OCA2: variants seen among roughly 807,000 people sequenced by gnomAD.
OCA2 encodes the protein OCA2 melanosomal transmembrane protein.
A neutral mutation model predicts 100.2 loss-of-function variants in OCA2; 77 were observed. The observed-to-expected ratio is 0.77, with a 90% CI of 0.64 to 0.93. OCA2 has a LOEUF of 0.93. OCA2 is among the 40% of genes least tolerant of loss of function. The pLI, the probability that OCA2 is intolerant of heterozygous loss-of-function variation, is 0.00. For synonymous variants in OCA2, 432 were observed against 439.2 expected (o/e 0.98, Z 0.21); for missense variants, 1,062 against 1,089.1 (o/e 0.98, Z 0.35).
intron 2 of OCA2, among the ~76,000 whole-genome samples, chr15:28,061,088 C>G (rs1183819237): frequency 6.6e-6 from 1 of 152,252 alleles, no homozygotes; most frequent in African/African-American, 2.4e-5. Flanking sequence ...AAAGCTTCAA[C>G]ACATTCCTAG....
chr15:27,895,779 G>A, intron 19 of OCA2: 1 of 384,024 alleles, frequency 2.6e-6, no homozygotes, highest in East Asian at 5.6e-5. Context: ...CGGCAAGAGG[G>A]TGAAACTGAG....
At chr15:27,752,043 G>A (rs1483682466), downstream of OCA2, among the ~76,000 whole-genome samples, 1 of 152,214 alleles carries the variant, frequency 6.6e-6, no homozygotes, top group Non-Finnish European at 1.5e-5. Flanking sequence ...TGCACTGCAG[G>A]AGGAAGTGGC....
At chr15:27,778,195 T>C (rs1464894330) in intron 23 of OCA2, among the ~76,000 whole-genome samples, 1 of 152,234 alleles carries the variant, frequency 6.6e-6, no homozygotes, top group Admixed American at 6.5e-5. Flanking sequence ...ATTTTTAGTA[T>C]CAAACCTTTT....
intron 19 of OCA2, chr15:27,896,476 A>G: frequency 1.7e-6 from 1 of 602,354 alleles, no homozygotes; most frequent in South Asian, 1.8e-5. Context: ...AAAAAAGTTA[A>G]AAAGAAGTGG....
At chr15:27,816,076 G>A (rs2034287494) in intron 23 of OCA2, among the ~76,000 whole-genome samples, 2 of 152,188 alleles carry the variant, frequency 1.3e-5, no homozygotes, top group Non-Finnish European at 2.9e-5. Flanking sequence ...GGAGGTTGCG[G>A]GGAACCGAGA....
intron 2 of OCA2, among the ~76,000 whole-genome samples, chr15:28,077,908 C>T (rs1595920103): frequency 6.6e-6 from 1 of 152,240 alleles, no homozygotes. Flanking sequence ...GGTGAAACCC[C>T]GTCTCTACTA....
At position 27,827,432 on chromosome 15, in the gene OCA2, C is replaced by T. The variant is rs150613429; in HGVS notation, c.2432+17527G>A. 4.6e-5 allele frequency among the ~76,000 whole-genome samples: 7 copies of T among 152,278 alleles called. No individual in the cohort carries two copies. The East Asian group carries it at 9.6e-4, about 21-fold the overall frequency. ...TAGGAAAAGCAAATTTAGGACAACACCACCTTCCACAGAGTGCCGACGGAG... is the reference window on the plus strand; with the variant it reads ...TAGGAAAAGCAAATTTAGGACAACATCACCTTCCACAGAGTGCCGACGGAG... On this transcript the variant is annotated intron_variant, in intron 23 of 23. Coordinates refer to ENST00000354638, the MANE Select transcript of OCA2 (RefSeq NM_000275.3).
chr15:27,983,193 TA>T, intron 14 of OCA2, 151 bp downstream of exon 14: 1 of 893,308 alleles, frequency 1.1e-6, no homozygotes, highest in Non-Finnish European at 1.8e-6. Context: ...ACCAGTCACC[TA>T]ACATCCCAGT....
chr15:27,722,780 TTCTCTC>T, the OCA2 span, among the ~76,000 whole-genome samples: 65 of 134,310 alleles, frequency 4.8e-4, no homozygotes, highest in Middle Eastern at 3.6e-3. Flanking sequence ...TTTTCTTTCT[TTCTCTC>T]TCTCTCTCTC....
chr15:27,943,068 C>G (rs867467048), intron 18 of OCA2, among the ~76,000 whole-genome samples: 2 of 152,152 alleles, frequency 1.3e-5, no homozygotes, highest in African/African-American at 4.8e-5. Flanking sequence ...CCAGTAAGAG[C>G]TCCTCATTTC....
At chr15:27,770,942 CCTTGCTTCCATCTTT>C (rs2031765898) in intron 23 of OCA2, among the ~76,000 whole-genome samples, 2 of 129,246 alleles carry the variant, frequency 1.5e-5, no homozygotes, top group Non-Finnish European at 3.2e-5. Flanking sequence ...TTTCTTCCTT[CCTTGCTTCCATCTTT>C]CCTTCCTCCC....
Position 27,814,049 on chromosome 15 carries a change from C to T in OCA2, c.2432+30910G>A, listed in dbSNP as rs773352837. Reference sequence around the variant, plus strand: ...ATCTTTTCTTTATGCTAGGAATATTCGAATTATTCTCTGAAATATACAATT... The same window carrying T: ...ATCTTTTCTTTATGCTAGGAATATTTGAATTATTCTCTGAAATATACAATT... On this transcript the variant is annotated intron_variant, in intron 23 of 23. Transcript: ENST00000354638. 3.9e-5 allele frequency among the ~76,000 whole-genome samples: 6 copies of T among 151,980 alleles called. No individual in the cohort carries two copies. The East Asian group carries it at 7.7e-4, about 19-fold the overall frequency.
intron 22 of OCA2, among the ~76,000 whole-genome samples, chr15:27,846,832 A>G (rs2035555611): frequency 6.6e-6 from 1 of 152,274 alleles, no homozygotes; most frequent in African/African-American, 2.4e-5. Flanking sequence ...TGGGGCCTGC[A>G]TGAGGAAGGC....
intron 23 of OCA2, among the ~76,000 whole-genome samples, chr15:27,808,575 T>C (rs935734174): frequency 6.6e-6 from 1 of 152,174 alleles, no homozygotes; most frequent in Non-Finnish European, 1.5e-5. Context: ...CTCTACACTT[T>C]AGCGCTGCAC....
At chr15:27,762,874 G>A (rs1482185377) in intron 23 of OCA2, among the ~76,000 whole-genome samples, 1 of 152,186 alleles carries the variant, frequency 6.6e-6, no homozygotes, top group East Asian at 1.9e-4. Flanking sequence ...TTAAGCTCCT[G>A]CTTATAAGTG....
chr15:28,002,234 C>A (rs1291644187), intron 9 of OCA2, among the ~76,000 whole-genome samples: 4 of 152,184 alleles, frequency 2.6e-5, no homozygotes, highest in Non-Finnish European at 5.9e-5. Flanking sequence ...GAAAATATAC[C>A]TAACCAACTT....
intron 18 of OCA2, among the ~76,000 whole-genome samples, chr15:27,932,418 C>G (rs969604861): frequency 4.0e-5 from 6 of 150,534 alleles, no homozygotes; most frequent in African/African-American, 1.2e-4. Flanking sequence ...GGAGCAAAAT[C>G]TGGGGAGAGT....
intron 17 of OCA2, among the ~76,000 whole-genome samples, chr15:27,953,284 T>C (rs1441667154): frequency 6.6e-6 from 1 of 152,208 alleles, no homozygotes; most frequent in Non-Finnish European, 1.5e-5. Context: ...CAAAAACACA[T>C]GCAAGGCCCT....
chr15:27,812,510 T>TA (rs905075292), intron 23 of OCA2, among the ~76,000 whole-genome samples: 2 of 152,172 alleles, frequency 1.3e-5, no homozygotes, highest in African/African-American at 4.8e-5. Flanking sequence ...ACAAAACTTT[T>TA]AAAAAATATA....
Sources: gnomAD v4.1 joint callset for allele counts (sites outside exome capture counted in the v4.1 genomes callset) on GRCh38, gnomAD v4.1.1 for gene constraint, MANE v1.5 for transcripts, NCBI Gene and HGNC (gene_info 2026-07-23, HGNC 2026-07-21) for gene names.